Variants in PPP2R3A observed in about 807,000 individuals in gnomAD.
The protein encoded by PPP2R3A is serine/threonine-protein phosphatase 2A regulatory subunit B'' subunit alpha.
Under a neutral mutation model 106.9 loss-of-function variants are expected in PPP2R3A, and 80 were observed. The observed-to-expected ratio is 0.75, with a 90% CI of 0.62 to 0.90. PPP2R3A has a LOEUF of 0.90. Among genes scored for constraint, PPP2R3A ranks in the 40% least tolerant of loss-of-function variants. The pLI is 0.00. For synonymous variants in PPP2R3A, 483 were observed against 468.3 expected, an observed-to-expected ratio of 1.03 and a Z score of -0.41; for missense variants, 1,386 against 1,350.4, an observed-to-expected ratio of 1.03 and a Z score of -0.41.
In PPP2R3A at chr3:136,000,922, A is replaced by G. The variant is rs1388462252; in HGVS notation, c.-440-137A>G. ...GTATAAGGTGTGATGAAACAAAGGC[A>G]TGAGTTGAATATCAGCTGTAAGGGA... is the stretch of plus-strand genomic sequence containing the variant. On this transcript the variant is annotated intron_variant, in intron 1 of 13. Coordinates refer to ENST00000264977, the MANE Select transcript of PPP2R3A (RefSeq NM_002718.5). The G allele has an allele frequency of 2.6e-5, 10 of 377,742 alleles. No individual in the cohort carries two copies. The South Asian group carries it at 1.3e-3, about 50-fold the overall frequency. The allele number at this position is 377,742 out of a possible 1,614,324, so 23.4% of individuals were successfully genotyped here.
intron 13 of PPP2R3A, among the ~76,000 whole-genome samples, chr3:136,135,493 T>G (rs1442184112): frequency 6.6e-6 from 1 of 152,166 alleles, no homozygotes; most frequent in African/African-American, 2.4e-5. Context: ...AGGGAGAGTC[T>G]AATTGTCAAA....
At chr3:136,143,492 AAAAC>A (rs1938963448) in intron 13 of PPP2R3A, among the ~76,000 whole-genome samples, 1 of 151,578 alleles carries the variant, frequency 6.6e-6, no homozygotes. Flanking sequence ...CTCCATCTCA[AAAAC>A]AAAAAGATGT....
intron 3 of PPP2R3A, among the ~76,000 whole-genome samples, chr3:136,028,012 C>T (rs1934729681): frequency 6.6e-6 from 1 of 152,210 alleles, no homozygotes; most frequent in African/African-American, 2.4e-5. Context: ...CTCTTCCTGG[C>T]ATTCCATGGC....
Position 136,002,828 on chromosome 3 carries a change from G to T in PPP2R3A, c.1330G>T (p.Val444Leu). 6.2e-7 allele frequency: 1 copy of T among 1,613,984 alleles called. No homozygotes were observed. The highest frequency in any genetic ancestry group is 1.1e-5 in the South Asian group (1 of 91,058). ...ENGPSHELLK[V>L]NEHRAEFPEH... ...TGGACCTAGTCATGAGTTATTAAAG[G>T]TAAATGAACATAGAGCAGAATTTCC... is the stretch of plus-strand genomic sequence containing the variant. The change falls in exon 2 of 14, where the codon GTA becomes TTA. Residue 444 changes from valine to leucine, a missense_variant. By Grantham distance (32) the Val-to-Leu change is conservative (BLOSUM62 1). Transcript: ENST00000264977.
chr3:136,086,990 T>C (rs1576492526), intron 8 of PPP2R3A, among the ~76,000 whole-genome samples: 1 of 152,076 alleles, frequency 6.6e-6, no homozygotes, highest in African/African-American at 2.4e-5. Context: ...TCACCTGAGG[T>C]TGTGAGTTCA....
intron 13 of PPP2R3A, among the ~76,000 whole-genome samples, chr3:136,134,256 A>G (rs1938525871): frequency 6.6e-6 from 1 of 152,224 alleles, no homozygotes. Context: ...CATTGCTGGT[A>G]AAAGCATATT....
intron 12 of PPP2R3A, among the ~76,000 whole-genome samples, chr3:136,103,967 A>G (rs1202895707): frequency 6.6e-6 from 1 of 152,202 alleles, no homozygotes; most frequent in Non-Finnish European, 1.5e-5. Flanking sequence ...CATACGATCC[A>G]TGTTAAAAAT....
chr3:136,079,849 A>C (rs1164789359), intron 7 of PPP2R3A, among the ~76,000 whole-genome samples: 1 of 152,002 alleles, frequency 6.6e-6, no homozygotes, highest in Non-Finnish European at 1.5e-5. Context: ...AAAAGAACTC[A>C]AGTGTTCTGC....
intron 13 of PPP2R3A, among the ~76,000 whole-genome samples, chr3:136,134,244 A>G (rs549863533): frequency 8.5e-5 from 13 of 152,350 alleles, no homozygotes; most frequent in Non-Finnish European, 1.2e-4. Flanking sequence ...CGCACTTTCA[A>G]ACATTGCTGG....
At chr3:135,967,372 A>G (rs1410554945) in intron 1 of PPP2R3A, among the ~76,000 whole-genome samples, 1 of 152,224 alleles carries the variant, frequency 6.6e-6, no homozygotes, top group Non-Finnish European at 1.5e-5. Context: ...TTAAAGATTT[A>G]TTTGTACTCA....
At chr3:136,120,749 A>G (rs1937965953) in intron 13 of PPP2R3A, among the ~76,000 whole-genome samples, 1 of 152,208 alleles carries the variant, frequency 6.6e-6, no homozygotes, top group Non-Finnish European at 1.5e-5. Flanking sequence ...AAACAGCCCC[A>G]TTAAAAAATG....
rs149764372 is a variant in PPP2R3A at position 135,971,172 on chromosome 3, C to T, written c.-441+5323C>T. Among the ~76,000 whole-genome samples the T allele has an allele frequency of 4.3e-4, 65 of 152,230 alleles. 1 individual carries two copies. The East Asian group carries it at 0.011, about 27-fold the overall frequency. On this transcript the variant is annotated intron_variant, in intron 1 of 13. Transcript: ENST00000264977. Reference sequence around the variant, plus strand: ...ATATTATAGCTTAATTTTCCAGTTGCATGCATGTAAAAACTCTCATACTTT... The same window carrying T: ...ATATTATAGCTTAATTTTCCAGTTGTATGCATGTAAAAACTCTCATACTTT...
At chr3:135,992,322 G>A (rs150776147) in intron 1 of PPP2R3A, among the ~76,000 whole-genome samples, 205 of 152,268 alleles carry the variant, frequency 1.3e-3, no homozygotes, top group African/African-American at 4.7e-3. Flanking sequence ...AAGTTTTCAA[G>A]ACAATTTTCT....
intron 1 of PPP2R3A, among the ~76,000 whole-genome samples, chr3:135,978,809 A>G (rs1262847747): frequency 1.3e-5 from 2 of 151,984 alleles, no homozygotes; most frequent in Admixed American, 6.5e-5. Flanking sequence ...TTTTTAATCT[A>G]CATTTCAATA....
chr3:136,145,274 TG>T lies in PPP2R3A; in HGVS notation c.*109del. On this transcript the variant is annotated 3_prime_UTR_variant, in exon 14 of 14. Coordinates refer to ENST00000264977, the MANE Select transcript of PPP2R3A (RefSeq NM_002718.5). Reference sequence around the variant, plus strand: ...TTTTAAAGACTTTGATTTCTCCAAGTGTGTATCATCTGCACTAGGAACTTTG... The same window carrying T: ...TTTTAAAGACTTTGATTTCTCCAAGTTGTATCATCTGCACTAGGAACTTTG... The T allele has an allele frequency of 1.5e-6, 2 of 1,368,860 alleles. No homozygotes were observed. The highest frequency in any genetic ancestry group is 1.9e-6 in the Non-Finnish European group (2 of 1,027,234). The allele number at this position is 1,368,860 out of a possible 1,614,324, so 84.8% of individuals were successfully genotyped here. A position where few individuals can be genotyped will look rare whatever the true frequency, so the allele number is the denominator to read the frequency against.
At chr3:136,110,264 A>G (rs766538433) in intron 13 of PPP2R3A, among the ~76,000 whole-genome samples, 6 of 152,204 alleles carry the variant, frequency 3.9e-5, no homozygotes, top group Non-Finnish European at 7.4e-5. Flanking sequence ...CAAATGGAAG[A>G]ACTTATACCC....
At chr3:136,135,976 G>A (rs1938595697) in intron 13 of PPP2R3A, among the ~76,000 whole-genome samples, 1 of 147,102 alleles carries the variant, frequency 6.8e-6, no homozygotes, top group African/African-American at 2.5e-5. Context: ...TAGGAAGGAG[G>A]TGGAGGTTGC....
chr3:136,096,454 G>A (rs1281950854), intron 10 of PPP2R3A, among the ~76,000 whole-genome samples: 1 of 152,144 alleles, frequency 6.6e-6, no homozygotes, highest in Non-Finnish European at 1.5e-5. Context: ...GAAGAATCTG[G>A]GTAGATTGTT....
intron 13 of PPP2R3A, among the ~76,000 whole-genome samples, chr3:136,116,120 G>T (rs761129784): frequency 6.6e-6 from 1 of 152,158 alleles, no homozygotes; most frequent in Non-Finnish European, 1.5e-5. Context: ...TTTCAACCCA[G>T]AATTTCATAT....
Sources: allele counts gnomAD v4.1 joint callset (sites outside exome capture counted in the v4.1 genomes callset), GRCh38; gene constraint gnomAD v4.1.1; transcripts MANE v1.5; gene names NCBI Gene and HGNC (gene_info 2026-07-23, HGNC 2026-07-21).